PEBP4: variants seen among roughly 807,000 people sequenced by gnomAD.
The protein encoded by PEBP4 is phosphatidylethanolamine-binding protein 4.
Under a neutral mutation model 23.9 loss-of-function variants are expected in PEBP4, and 22 were observed. The observed-to-expected ratio is 0.92, with a 90% CI of 0.66 to 1.31. PEBP4 has a LOEUF of 1.31. Ranked by LOEUF, PEBP4 falls within the 40% of genes most tolerant of loss-of-function variation. The pLI is 0.00. For synonymous variants in PEBP4, 112 were observed against 99.3 expected (o/e 1.13, Z -0.76); for missense variants, 324 against 281.7 (o/e 1.15, Z -1.07).
intron 4 of PEBP4, among the ~76,000 whole-genome samples, chr8:22,774,102 G>A (rs1016756325): frequency 4.6e-5 from 7 of 152,148 alleles, no homozygotes; most frequent in African/African-American, 1.7e-4. Flanking sequence ...AAACCAGGAT[G>A]GAGGAAAGTG....
At position 22,858,776 on chromosome 8, in the gene PEBP4, G is replaced by A. The variant is rs186938465; in HGVS notation, c.259-41041C>T. Among the ~76,000 whole-genome samples, 14 of 152,244 alleles carry A rather than the reference G, an allele frequency of 9.2e-5. No individual in the cohort carries two copies. In the East Asian group the frequency reaches 9.6e-4, roughly 10 times the overall value. On this transcript the variant is annotated intron_variant, in intron 3 of 6. Transcript: ENST00000256404. ...AGCCTAGCCAACATGGTGAAATCCCGTCTTTACTAAAAATATAAAAATTAG... is the reference window on the plus strand; with the variant it reads ...AGCCTAGCCAACATGGTGAAATCCCATCTTTACTAAAAATATAAAAATTAG...
At chr8:22,721,948 G>A (rs1205892326) in intron 6 of PEBP4, among the ~76,000 whole-genome samples, 1 of 152,112 alleles carries the variant, frequency 6.6e-6, no homozygotes, top group Non-Finnish European at 1.5e-5. Context: ...AATCGCCCCT[G>A]GGTTCATCCA....
chr8:22,835,722 C>T (rs933555999), intron 3 of PEBP4, among the ~76,000 whole-genome samples: 1 of 152,222 alleles, frequency 6.6e-6, no homozygotes, highest in Non-Finnish European at 1.5e-5. Flanking sequence ...TGTTAGAAAG[C>T]GCTATGTCCC....
At chr8:22,852,433 C>G (rs1034551811) in intron 3 of PEBP4, among the ~76,000 whole-genome samples, 2 of 152,122 alleles carry the variant, frequency 1.3e-5, no homozygotes, top group African/African-American at 4.8e-5. Flanking sequence ...GAGCACAAAC[C>G]TCCTGATTTC....
chr8:22,841,452 C>A (rs1260094719), intron 3 of PEBP4, among the ~76,000 whole-genome samples: 1 of 152,214 alleles, frequency 6.6e-6, no homozygotes, highest in Non-Finnish European at 1.5e-5. Flanking sequence ...TAGGGAACAG[C>A]TTAGGGACAA....
intron 3 of PEBP4, among the ~76,000 whole-genome samples, chr8:22,846,231 G>A (rs940488962): frequency 6.6e-6 from 1 of 152,156 alleles, no homozygotes; most frequent in African/African-American, 2.4e-5. Context: ...CACACTGGGA[G>A]GCAGATTGGG....
intron 3 of PEBP4, among the ~76,000 whole-genome samples, chr8:22,905,401 G>C (rs1236240912): frequency 6.6e-6 from 1 of 151,926 alleles, no homozygotes; most frequent in Non-Finnish European, 1.5e-5. Flanking sequence ...TTGTCGTGGG[G>C]CTTTTATTTT....
chr8:22,829,509 C>T (rs1367458420), intron 3 of PEBP4, among the ~76,000 whole-genome samples: 2 of 152,156 alleles, frequency 1.3e-5, no homozygotes, highest in Admixed American at 6.5e-5. Context: ...ATAGTAAGTT[C>T]TTCAAGATCT....
Position 22,724,950 on chromosome 8 carries a change from T to A in PEBP4, c.410A>T (p.Gln137Leu). 6.2e-7 allele frequency: 1 copy of A among 1,612,344 alleles called. No homozygotes were observed. Among genetic ancestry groups the A allele is most frequent in the African/African-American group, 1.3e-5 (1 of 74,968 alleles). ...ACTGTGTGCCGGTGGGGAGGGAGCC[T>A]GGTAGGCTATAGGTAGAAGCAGGAG... The part of the protein sequence containing the change: ...KIQGQELSAY[Q>L]APSPPAHSGF... The change falls in exon 6 of 7, where the codon CAG (glutamine) becomes CTG (leucine). Residue 137 changes from glutamine to leucine, a missense_variant. Coordinates refer to ENST00000256404, the MANE Select transcript of PEBP4 (RefSeq NM_144962.3).
At chr8:22,821,265 G>A (rs1016066377) in intron 3 of PEBP4, among the ~76,000 whole-genome samples, 1 of 152,146 alleles carries the variant, frequency 6.6e-6, no homozygotes, top group African/African-American at 2.4e-5. Context: ...GAAAAGCAGA[G>A]CAAAAAATCC....
chr8:22,892,759 A>C (rs1331649981), intron 3 of PEBP4, among the ~76,000 whole-genome samples: 1 of 152,206 alleles, frequency 6.6e-6, no homozygotes, highest in Non-Finnish European at 1.5e-5. Context: ...AAATACATGA[A>C]ACAATGGTTT....
chr8:22,736,842 T>C (rs1219128034), intron 4 of PEBP4, among the ~76,000 whole-genome samples: 1 of 152,172 alleles, frequency 6.6e-6, no homozygotes, highest in Non-Finnish European at 1.5e-5. Context: ...TCAAATCTTA[T>C]ATTTTTAGCT....
At chr8:22,938,100 A>T (rs1809564593) in intron 1 of PEBP4, among the ~76,000 whole-genome samples, 1 of 152,146 alleles carries the variant, frequency 6.6e-6, no homozygotes, top group Non-Finnish European at 1.5e-5. Flanking sequence ...AAAATGGAAA[A>T]CTTTTGGGCA....
chr8:22,771,434 A>G (rs1446302710), intron 4 of PEBP4, among the ~76,000 whole-genome samples: 1 of 152,220 alleles, frequency 6.6e-6, no homozygotes, highest in Non-Finnish European at 1.5e-5. Flanking sequence ...GGTTGCAGCG[A>G]GCTGAGATCG....
At chr8:22,826,770 C>T (rs1309854992) in intron 3 of PEBP4, among the ~76,000 whole-genome samples, 1 of 152,124 alleles carries the variant, frequency 6.6e-6, no homozygotes, top group Non-Finnish European at 1.5e-5. Flanking sequence ...CTAAGAGAGG[C>T]TGTGGGTGGT....
intron 4 of PEBP4, among the ~76,000 whole-genome samples, chr8:22,797,244 ACT>A (rs1157205060): frequency 7.5e-6 from 1 of 132,856 alleles, no homozygotes; most frequent in African/African-American, 2.9e-5. Context: ...CAAGAGTGAA[ACT>A]CTGTCTCAAA....
chr8:22,796,251 AGTGTGCGTGTGTGT>A (rs556511177), intron 4 of PEBP4, among the ~76,000 whole-genome samples: 19 of 109,548 alleles, frequency 1.7e-4, no homozygotes, highest in African/African-American at 6.8e-4. Flanking sequence ...GCAATTCTCA[AGTGTGCGTGTGTGT>A]GTGTGTGTGT....
chr8:22,893,734 G>A (rs1407482427), intron 3 of PEBP4, among the ~76,000 whole-genome samples: 1 of 151,952 alleles, frequency 6.6e-6, no homozygotes, highest in Non-Finnish European at 1.5e-5. Flanking sequence ...CACAGCAATA[G>A]AAACTATTCA....
At chr8:22,894,669 C>G (rs888543238) in intron 3 of PEBP4, among the ~76,000 whole-genome samples, 20 of 152,178 alleles carry the variant, frequency 1.3e-4, no homozygotes, top group African/African-American at 4.6e-4. Context: ...GAAAGAATCT[C>G]CCACGGTTTG....
Sources: allele counts gnomAD v4.1 joint callset (sites outside exome capture counted in the v4.1 genomes callset), GRCh38; gene constraint gnomAD v4.1.1; transcripts MANE v1.5; gene names NCBI Gene and HGNC (gene_info 2026-07-23, HGNC 2026-07-21).